Variants in PKP4 observed in about 807,000 individuals in gnomAD.
PKP4 encodes the protein plakophilin 4.
A neutral mutation model predicts 145.1 loss-of-function variants in PKP4; 90 were observed. That is an observed-to-expected ratio of 0.62 (90% CI 0.52 to 0.74). The LOEUF (loss-of-function observed/expected upper bound fraction) is 0.74. PKP4 is among the 30% of genes least tolerant of loss of function. PKP4 has a pLI of 0.00. For synonymous variants in PKP4, 563 were observed against 577.2 expected (o/e 0.98, Z 0.35); for missense variants, 1,340 against 1,482.7 (o/e 0.90, Z 1.58).
intron 7 of PKP4, among the ~76,000 whole-genome samples, chr2:158,628,783 C>T (rs1456082150): frequency 3.9e-5 from 6 of 152,146 alleles, no homozygotes; most frequent in African/African-American, 1.2e-4. Context: ...ACATTGTAAT[C>T]GTGGTGCAGA....
intron 2 of PKP4, among the ~76,000 whole-genome samples, chr2:158,555,056 A>G (rs1453955536): frequency 6.6e-6 from 1 of 152,198 alleles, no homozygotes; most frequent in Non-Finnish European, 1.5e-5. Context: ...ACATTAGTAC[A>G]TGTTTTATTT....
chr2:158,507,274 CTA>C (rs2041075419), intron 1 of PKP4, among the ~76,000 whole-genome samples: 1 of 152,150 alleles, frequency 6.6e-6, no homozygotes, highest in African/African-American at 2.4e-5. Context: ...GTGTTTTTCA[CTA>C]TGTGACTCAC....
chr2:158,560,830 G>GGGGT (rs1190835415), intron 2 of PKP4, among the ~76,000 whole-genome samples: 1 of 152,180 alleles, frequency 6.6e-6, no homozygotes, highest in African/African-American at 2.4e-5. Context: ...AGATGTTTAA[G>GGGGT]TGACTTGTCT....
chr2:158,643,788 C>T (rs186014782), intron 11 of PKP4, among the ~76,000 whole-genome samples: 10 of 151,298 alleles, frequency 6.6e-5, no homozygotes, highest in South Asian at 4.2e-4. Context: ...TTTTTTTAGA[C>T]GGAGTCTTGC....
At chr2:158,519,895 A>T (rs896449189) in intron 1 of PKP4, among the ~76,000 whole-genome samples, 2 of 152,018 alleles carry the variant, frequency 1.3e-5, no homozygotes, top group East Asian at 3.9e-4. Flanking sequence ...TACCCTTAAC[A>T]TTCCAGGTAT....
chr2:158,642,426 G>C (rs2054375962), intron 10 of PKP4, 60 bp from the exon 11 acceptor site: 1 of 1,275,424 alleles, frequency 7.8e-7, no homozygotes, highest in African/African-American at 1.5e-5. Flanking sequence ...ACGGACTTCT[G>C]TATGATCACT....
chr2:158,657,596 A>C (rs1349368684), intron 11 of PKP4, among the ~76,000 whole-genome samples: 2 of 152,230 alleles, frequency 1.3e-5, no homozygotes, highest in East Asian at 3.8e-4. Context: ...AAGTTACGGC[A>C]AGTGCTTTAT....
chr2:158,673,009 G>C (rs1332703115), intron 17 of PKP4, among the ~76,000 whole-genome samples: 1 of 152,174 alleles, frequency 6.6e-6, no homozygotes, highest in Non-Finnish European at 1.5e-5. Context: ...GAGGGCCTTA[G>C]CTGAGGCAGG....
intron 2 of PKP4, 137 bp downstream of exon 2, chr2:158,533,453 A>AAT: frequency 1.4e-5 from 14 of 1,033,388 alleles, no homozygotes; most frequent in Non-Finnish European, 1.8e-5. Flanking sequence ...TACATCCCTG[A>AAT]GTACATTGGG....
At chr2:158,581,174 A>T (rs1216514030) in intron 3 of PKP4, among the ~76,000 whole-genome samples, 1 of 152,200 alleles carries the variant, frequency 6.6e-6, no homozygotes, top group African/African-American at 2.4e-5. Flanking sequence ...TACAGAGAAG[A>T]ACAGAAATTA....
intron 2 of PKP4, among the ~76,000 whole-genome samples, chr2:158,543,143 A>G (rs1346776660): frequency 2.0e-5 from 3 of 152,184 alleles, no homozygotes; most frequent in Non-Finnish European, 2.9e-5. Context: ...GAACTGTACA[A>G]TATCCTTTCA....
intron 1 of PKP4, among the ~76,000 whole-genome samples, chr2:158,477,557 C>T (rs1300351851): frequency 6.6e-6 from 1 of 152,210 alleles, no homozygotes; most frequent in Non-Finnish European, 1.5e-5. Flanking sequence ...AGTCAAGCAT[C>T]AGGGGATAGA....
chr2:158,667,236 AAGAAGACATC>A (rs1167286135), intron 16 of PKP4, among the ~76,000 whole-genome samples: 1 of 151,324 alleles, frequency 6.6e-6, no homozygotes, highest in Admixed American at 6.6e-5. Flanking sequence ...ATGCGGGCTA[AAGAAGACATC>A]AGGGACCCCC....
chr2:158,573,359 C>G (rs1397066624), intron 2 of PKP4, among the ~76,000 whole-genome samples: 2 of 152,208 alleles, frequency 1.3e-5, no homozygotes, highest in East Asian at 3.9e-4. Context: ...ATAAAATACT[C>G]ATGTGAATAT....
intron 11 of PKP4, among the ~76,000 whole-genome samples, chr2:158,656,125 T>C (rs2055888237): frequency 6.6e-6 from 1 of 152,212 alleles, no homozygotes; most frequent in Admixed American, 6.5e-5. Context: ...ATGAAGCTGC[T>C]CTGAGTCAAT....
chr2:158,543,716 T>C (rs2105671302), intron 2 of PKP4, among the ~76,000 whole-genome samples: 1 of 152,272 alleles, frequency 6.6e-6, no homozygotes, highest in East Asian at 1.9e-4. Context: ...AATGAAAAAT[T>C]ATTAAGTAAT....
intron 2 of PKP4, among the ~76,000 whole-genome samples, chr2:158,547,854 G>A (rs531905197): frequency 6.6e-6 from 1 of 152,340 alleles, no homozygotes; most frequent in South Asian, 2.1e-4. Flanking sequence ...AGACACCTGA[G>A]TGAAAGAAAC....
In PKP4 at chr2:158,631,828, A is replaced by C. The variant is rs1484167191; in HGVS notation, c.1229A>C (p.His410Pro). ...CGTTCTGCCGTGTCTCCCGACTTGC[A>C]CATTACTCCTATATATGAGGGGAGG... ...DLRSAVSPDL[H>P]ITPIYEGRTY... Residue 410 changes from histidine to proline, a missense_variant, in exon 8 of 22, where the codon CAC (histidine) becomes CCC (proline). By Grantham distance (77) the His-to-Pro change is moderately conservative. Transcript: ENST00000389759. The C allele has an allele frequency of 6.2e-7, 1 of 1,614,134 alleles. No individual in the cohort carries two copies. Among genetic ancestry groups the C allele is most frequent in the Admixed American group, 1.7e-5 (1 of 60,028 alleles).
At chr2:158,522,773 C>T (rs1228189321) in intron 1 of PKP4, among the ~76,000 whole-genome samples, 16 of 152,180 alleles carry the variant, frequency 1.1e-4, no homozygotes, top group Admixed American at 9.8e-4. Flanking sequence ...AGTGGGTGTG[C>T]GCACCGTGCG....
Sources: allele counts gnomAD v4.1 joint callset (sites outside exome capture counted in the v4.1 genomes callset), GRCh38; gene constraint gnomAD v4.1.1; transcripts MANE v1.5; gene names NCBI Gene and HGNC (gene_info 2026-07-23, HGNC 2026-07-21).